Variants in CADM2 observed in about 807,000 individuals in gnomAD.
The protein encoded by CADM2 is immunoglobulin superfamily member 4D.
Under a neutral mutation model 49.8 loss-of-function variants are expected in CADM2, and 12 were observed. The ratio of observed to expected loss-of-function variants is 0.24; its 90% CI spans 0.15 to 0.39. CADM2 has a LOEUF of 0.39. Ranked by LOEUF, CADM2 falls within the 10% of genes least tolerant of loss-of-function variation. The pLI, the probability that CADM2 is intolerant of heterozygous loss-of-function variation, is 1.00. For synonymous variants in CADM2, 214 were observed against 175.4 expected, an observed-to-expected ratio of 1.22 and a Z score of -1.74; for missense variants, 378 against 492.3, an observed-to-expected ratio of 0.77 and a Z score of 2.20.
At chr3:86,020,315 T>A (rs1732964844) in intron 8 of CADM2, among the ~76,000 whole-genome samples, 1 of 151,414 alleles carries the variant, frequency 6.6e-6, no homozygotes, top group Non-Finnish European at 1.5e-5. Flanking sequence ...AATAGACCAA[T>A]AACAGGAGCT....
intron 1 of CADM2, among the ~76,000 whole-genome samples, chr3:85,483,894 C>T (rs1202061054): frequency 6.6e-6 from 1 of 151,422 alleles, no homozygotes; most frequent in Non-Finnish European, 1.5e-5. Context: ...ATTTTTGTCT[C>T]AAAAAACTCG....
chr3:85,570,205 G>A (rs911047759), intron 1 of CADM2, among the ~76,000 whole-genome samples: 5 of 152,126 alleles, frequency 3.3e-5, no homozygotes, highest in Admixed American at 2.0e-4. Context: ...TTAGAAATCT[G>A]CCTGTCTACC....
intron 3 of CADM2, among the ~76,000 whole-genome samples, chr3:85,842,428 G>T (rs2074679490): frequency 6.6e-6 from 1 of 152,096 alleles, no homozygotes; most frequent in Non-Finnish European, 1.5e-5. Context: ...GACCAGGACA[G>T]CTGCTATTTT....
intron 2 of CADM2, among the ~76,000 whole-genome samples, chr3:85,755,592 G>A (rs72914849): frequency 0.036 from 5,479 of 152,194 alleles, 305 homozygotes; most frequent in African/African-American, 0.12. Context: ...ACTATTCCAT[G>A]GGCTGTACAG....
At chr3:86,031,496 G>C (rs941140087) in intron 8 of CADM2, among the ~76,000 whole-genome samples, 1 of 151,730 alleles carries the variant, frequency 6.6e-6, no homozygotes, top group Non-Finnish European at 1.5e-5. Flanking sequence ...TTCAAACCTT[G>C]ATTATATATG....
chr3:85,699,423 C>T (rs778291191), intron 1 of CADM2, among the ~76,000 whole-genome samples: 1 of 152,196 alleles, frequency 6.6e-6, no homozygotes, highest in South Asian at 2.1e-4. Flanking sequence ...GGTCTCTGCC[C>T]CTGAAGCAGG....
intron 1 of CADM2, among the ~76,000 whole-genome samples, chr3:85,366,282 T>C (rs1030359141): frequency 3.3e-5 from 5 of 152,272 alleles, no homozygotes; most frequent in South Asian, 4.1e-4. Flanking sequence ...ATTTTTTAAG[T>C]CTTTGAAGTC....
intron 7 of CADM2, among the ~76,000 whole-genome samples, chr3:85,941,749 G>C (rs1386241646): frequency 6.6e-6 from 1 of 152,060 alleles, no homozygotes; most frequent in Non-Finnish European, 1.5e-5. Context: ...TAAGTAGTTA[G>C]CAAGTTTTGA....
chr3:85,120,597 T>C (rs1045441153), intron 1 of CADM2, among the ~76,000 whole-genome samples: 1 of 152,088 alleles, frequency 6.6e-6, no homozygotes, highest in Non-Finnish European at 1.5e-5. Context: ...AAACACCACA[T>C]GTTCTCTCTC....
chr3:85,525,030 T>C (rs766323171), intron 1 of CADM2, among the ~76,000 whole-genome samples: 30 of 152,068 alleles, frequency 2.0e-4, no homozygotes, highest in Admixed American at 5.2e-4. Flanking sequence ...AGGGGAGGGA[T>C]AGCATTAGGA....
intron 3 of CADM2, among the ~76,000 whole-genome samples, chr3:85,878,787 T>C (rs776362653): frequency 2.6e-5 from 4 of 152,090 alleles, no homozygotes; most frequent in Non-Finnish European, 4.4e-5. Context: ...GTTATATAGG[T>C]TCCAAAATAC....
intron 8 of CADM2, among the ~76,000 whole-genome samples, chr3:85,985,516 A>G (rs1403004300): frequency 6.6e-6 from 1 of 151,792 alleles, no homozygotes; most frequent in African/African-American, 2.4e-5. Flanking sequence ...AATACTTAAA[A>G]TGATTCTCGA....
At chr3:85,562,843 G>A (rs1485367166) in intron 1 of CADM2, among the ~76,000 whole-genome samples, 2 of 151,802 alleles carry the variant, frequency 1.3e-5, no homozygotes, top group Non-Finnish European at 2.9e-5. Flanking sequence ...CACAGTCTCC[G>A]TTTTATTCTT....
intron 1 of CADM2, among the ~76,000 whole-genome samples, chr3:85,331,566 A>C (rs1197121448): frequency 6.6e-6 from 1 of 151,754 alleles, no homozygotes; most frequent in African/African-American, 2.4e-5. Context: ...AAAAATAATA[A>C]GTATTTGAGA....
At chr3:85,987,380 A>C in intron 8 of CADM2, among the ~76,000 whole-genome samples, 1 of 151,792 alleles carries the variant, frequency 6.6e-6, no homozygotes, top group East Asian at 1.9e-4. Flanking sequence ...TCTTTTAAAT[A>C]AACAGGTCTA....
At chr3:85,819,897 G>T (rs1010658863) in intron 3 of CADM2, among the ~76,000 whole-genome samples, 2 of 152,080 alleles carry the variant, frequency 1.3e-5, no homozygotes, top group African/African-American at 4.8e-5. Context: ...TGAACATATG[G>T]TTTGTCTGAG....
chr3:85,199,810 G>T (rs931466049), intron 1 of CADM2, among the ~76,000 whole-genome samples: 1 of 151,940 alleles, frequency 6.6e-6, no homozygotes, highest in African/African-American at 2.4e-5. Context: ...AAAAGTCCGA[G>T]TTAAAAATAT....
At chr3:85,405,643 G>T (rs962652761) in intron 1 of CADM2, among the ~76,000 whole-genome samples, 3 of 151,992 alleles carry the variant, frequency 2.0e-5, no homozygotes, top group Non-Finnish European at 4.4e-5. Flanking sequence ...TGAAAGTAGC[G>T]TTCCTATAGA....
chr3:85,275,376 A>G (rs1321950326), intron 1 of CADM2, among the ~76,000 whole-genome samples: 1 of 151,482 alleles, frequency 6.6e-6, no homozygotes, highest in African/African-American at 2.4e-5. Context: ...TATGCTGGGC[A>G]TCCCGCTGTT....
Sources: allele counts gnomAD v4.1 joint callset (sites outside exome capture counted in the v4.1 genomes callset), GRCh38; gene constraint gnomAD v4.1.1; transcripts MANE v1.5; gene names NCBI Gene and HGNC (gene_info 2026-07-23, HGNC 2026-07-21).